Variants in CSMD1 observed in about 807,000 individuals in gnomAD.
CSMD1 encodes the protein CUB and Sushi multiple domains 1, also known as CUB and sushi domain-containing protein 1.
CSMD1 carries 213 observed loss-of-function variants against 417.5 expected under a neutral mutation model. The observed-to-expected ratio is 0.51, with a 90% confidence interval of 0.46 to 0.57. The LOEUF (loss-of-function observed/expected upper bound fraction) is 0.57. Ranked by LOEUF, CSMD1 falls within the 20% of genes least tolerant of loss-of-function variation. The pLI, the probability that CSMD1 is intolerant of heterozygous loss-of-function variation, is 0.00. For synonymous variants in CSMD1, 2,862 were observed against 1,736.8 expected (o/e 1.65, Z -16.11); for missense variants, 6,923 against 4,529.7 (o/e 1.53, Z -15.17).
chr8:4,885,932 G>T (rs1404230481), intron 1 of CSMD1, among the ~76,000 whole-genome samples: 6 of 151,902 alleles, frequency 3.9e-5, no homozygotes, highest in Non-Finnish European at 2.9e-5. Context: ...TCTTTGTAAG[G>T]ATTTTATCAT....
At chr8:3,654,831 G>C (rs1384422502) in intron 7 of CSMD1, among the ~76,000 whole-genome samples, 4 of 152,058 alleles carry the variant, frequency 2.6e-5, no homozygotes, top group African/African-American at 9.7e-5. Context: ...AGGATCCATA[G>C]AACACATCAC....
At chr8:3,431,811 C>A (rs931771692) in intron 12 of CSMD1, among the ~76,000 whole-genome samples, 1 of 152,172 alleles carries the variant, frequency 6.6e-6, no homozygotes, top group African/African-American at 2.4e-5. Flanking sequence ...TTGGAGAAAA[C>A]AAATATTTTA....
At chr8:3,589,160 C>A (rs930289423) in intron 8 of CSMD1, among the ~76,000 whole-genome samples, 3 of 152,206 alleles carry the variant, frequency 2.0e-5, no homozygotes, top group African/African-American at 7.2e-5. Context: ...TTAGCATACT[C>A]ATTATGGAAA....
At position 3,078,830 on chromosome 8, in the gene CSMD1, C is replaced by T. The variant is rs561469446; in HGVS notation, c.7474+8267G>A. On this transcript the variant is annotated intron_variant, in intron 49 of 69. Transcript: ENST00000635120. Reference sequence around the variant, plus strand: ...CAACAACATTCTGCTTGACAGCCAACCAATAGGTTTGCACCAAAAACACTC... The same window carrying T: ...CAACAACATTCTGCTTGACAGCCAATCAATAGGTTTGCACCAAAAACACTC... Among the ~76,000 whole-genome samples the T allele has an allele frequency of 1.8e-3, 271 of 152,254 alleles. 1 individual carries two copies. Among genetic ancestry groups the T allele is most frequent in the Non-Finnish European group, 3.1e-3 (210 of 68,016 alleles).
chr8:4,617,000 A>G (rs866631606), intron 2 of CSMD1, among the ~76,000 whole-genome samples: 171 of 152,092 alleles, frequency 1.1e-3, no homozygotes, highest in African/African-American at 3.4e-3. Flanking sequence ...TTAATATTCC[A>G]TAAGTGATTT....
intron 3 of CSMD1, among the ~76,000 whole-genome samples, chr8:4,225,342 C>T (rs1169153711): frequency 1.3e-5 from 2 of 151,860 alleles, no homozygotes; most frequent in Non-Finnish European, 2.9e-5. Flanking sequence ...TTTTAATTTC[C>T]ACCTAAAATA....
At chr8:3,418,969 T>C (rs927033763) in intron 12 of CSMD1, among the ~76,000 whole-genome samples, 1 of 152,232 alleles carries the variant, frequency 6.6e-6, no homozygotes, top group East Asian at 1.9e-4. Flanking sequence ...AATTAATTAG[T>C]AGAAATTTAG....
Position 3,820,050 on chromosome 8 carries a change from C to T in CSMD1, c.819-66008G>A, listed in dbSNP as rs139236460. Among the ~76,000 whole-genome samples the T allele has an allele frequency of 3.9e-5, 6 of 152,284 alleles. No individual in the cohort carries two copies. The East Asian group carries it at 5.8e-4, about 15-fold the overall frequency. ...TCTTCACAGATAGAAAAATCTCATT[C>T]GAGTACATTTCCACTTAAGACGCTC... On this transcript the variant is annotated intron_variant, in intron 5 of 69. Transcript: ENST00000635120.
At chr8:3,709,746 G>A (rs7826370) in intron 6 of CSMD1, among the ~76,000 whole-genome samples, 73,111 of 130,904 alleles carry the variant, frequency 0.56, 20,306 homozygotes, top group Admixed American at 0.63. Context: ...CTAAAACACC[G>A]GCTTTCCTGG....
At chr8:4,341,978 A>T (rs1800503459) in intron 3 of CSMD1, among the ~76,000 whole-genome samples, 1 of 152,116 alleles carries the variant, frequency 6.6e-6, no homozygotes, top group South Asian at 2.1e-4. Flanking sequence ...CAAGAGACGA[A>T]AGTGGCCTTA....
rs1009574092 is a variant in CSMD1 at position 3,714,041 on chromosome 8, T to C, written c.932-5550A>G. ...CTCACTATGCAGATAGATAGATAGA[T>C]AGATAGATAGATAGATAGATGTCCA... On this transcript the variant is annotated intron_variant, in intron 6 of 69. Transcript: ENST00000635120. Among the ~76,000 whole-genome samples, 66 of 150,446 alleles carry C rather than the reference T, an allele frequency of 4.4e-4. 1 individual carries two copies. Among genetic ancestry groups the C allele is most frequent in the Non-Finnish European group, 6.3e-4 (43 of 67,796 alleles).
intron 1 of CSMD1, among the ~76,000 whole-genome samples, chr8:4,814,458 G>A (rs1041869801): frequency 6.6e-6 from 1 of 152,172 alleles, no homozygotes. Context: ...TGTTGGCCAA[G>A]GTGATCTCGA....
At chr8:4,724,520 A>ATATGTGTG (rs1310632825) in intron 1 of CSMD1, among the ~76,000 whole-genome samples, 6 of 145,218 alleles carry the variant, frequency 4.1e-5, no homozygotes, top group African/African-American at 1.6e-4. Flanking sequence ...TTATATATAT[A>ATATGTGTG]TGTGTGTGTG....
intron 3 of CSMD1, among the ~76,000 whole-genome samples, chr8:4,348,632 A>C (rs985045220): frequency 7.2e-5 from 1 of 13,840 alleles, no homozygotes; most frequent in African/African-American, 3.9e-4. Context: ...GGGAGGGGAG[A>C]GGGGGAGAGG....
At chr8:4,823,622 T>TA (rs1446819362) in intron 1 of CSMD1, among the ~76,000 whole-genome samples, 1 of 151,724 alleles carries the variant, frequency 6.6e-6, no homozygotes, top group East Asian at 2.0e-4. Context: ...ATCGACCCCC[T>TA]ACTACACATA....
rs146919323 is a variant in CSMD1 at position 4,401,883 on chromosome 8, T to C, written c.415+18070A>G. 1.5e-3 allele frequency among the ~76,000 whole-genome samples: 233 copies of C among 152,258 alleles called. 1 individual carries two copies. Among genetic ancestry groups the C allele is most frequent in the African/African-American group, 5.3e-3 (220 of 41,550 alleles). ...CCCAAATTCCCAGCTTTGACTCTTCTGTCTTCAGGTTACTCACATGTAGAT... is the reference window on the plus strand; with the variant it reads ...CCCAAATTCCCAGCTTTGACTCTTCCGTCTTCAGGTTACTCACATGTAGAT... On this transcript the variant is annotated intron_variant, in intron 3 of 69. Coordinates refer to ENST00000635120, the MANE Select transcript of CSMD1 (RefSeq NM_033225.6).
intron 3 of CSMD1, among the ~76,000 whole-genome samples, chr8:4,202,148 T>C (rs963038107): frequency 2.0e-5 from 3 of 152,160 alleles, no homozygotes; most frequent in South Asian, 2.1e-4. Flanking sequence ...CAGCCATTTC[T>C]AGGACGGGTG....
intron 3 of CSMD1, among the ~76,000 whole-genome samples, chr8:4,363,357 T>G (rs752932920): frequency 2.6e-5 from 4 of 152,200 alleles, no homozygotes; most frequent in Non-Finnish European, 5.9e-5. Flanking sequence ...TACTCGTATG[T>G]GTATGCATGT....
At chr8:3,082,556 T>G (rs1436399868) in intron 49 of CSMD1, among the ~76,000 whole-genome samples, 1 of 152,212 alleles carries the variant, frequency 6.6e-6, no homozygotes, top group Non-Finnish European at 1.5e-5. Context: ...CCATAAGAGC[T>G]GGGAATATTT....
Sources: allele counts gnomAD v4.1 joint callset (sites outside exome capture counted in the v4.1 genomes callset), GRCh38; gene constraint gnomAD v4.1.1; transcripts MANE v1.5; gene names NCBI Gene and HGNC (gene_info 2026-07-23, HGNC 2026-07-21).